Variants in SMG1 observed in about 807,000 individuals in gnomAD.
SMG1 encodes the protein serine/threonine-protein kinase SMG1.
A neutral mutation model predicts 419.9 loss-of-function variants in SMG1; 22 were observed. The observed-to-expected ratio is 0.05, with a 90% CI of 0.04 to 0.07. The LOEUF (loss-of-function observed/expected upper bound fraction) is 0.07, where lower values mean the gene tolerates loss of function less well. SMG1 is among the 10% of genes least tolerant of loss of function. SMG1 has a pLI of 1.00. For missense variants in SMG1, 3,185 were observed against 4,342.0 expected (o/e 0.73, Z 7.49); for synonymous variants, 1,538 against 1,553.5 (o/e 0.99, Z 0.23).
At chr16:18,853,905 A>C in intron 30 of SMG1, 38 bp from the exon 31 acceptor site, 1 of 1,550,260 alleles carries the variant, frequency 6.5e-7, no homozygotes. Context: ...AGAACCTTTA[A>C]AAGCAAATGA....
Position 18,892,302 on chromosome 16 carries a change from C to A in SMG1, c.465G>T (p.Arg155Ser), listed in dbSNP as rs2141820795. 2 of 1,550,240 alleles carry A rather than the reference C, an allele frequency of 1.3e-6. No homozygotes were observed. Among genetic ancestry groups the A allele is most frequent in the Non-Finnish European group, 1.7e-6 (2 of 1,146,736 alleles). ...GGTCTCTGTCGTCTTCCCGGGTGAT[C>A]CTCCGAAGAAGATTCGACAGTCGAG... is the stretch of plus-strand genomic sequence containing the variant. ...DESRLSNLLR[R>S]ITREDDRDRR... The change falls in exon 4 of 63, where the codon AGG becomes AGT. Residue 155 changes from arginine (R) to serine (S), a missense_variant. By Grantham distance (110) the Arg-to-Ser change is moderately radical. Coordinates refer to ENST00000446231, the MANE Select transcript of SMG1 (RefSeq NM_015092.5).
chr16:18,907,210 A>G (rs2141931579), intron 1 of SMG1, among the ~76,000 whole-genome samples: 1 of 151,910 alleles, frequency 6.6e-6, no homozygotes, highest in East Asian at 1.9e-4. Context: ...TGAACCCAGG[A>G]GGCGGAGGTT....
chr16:18,885,489 A>C, intron 7 of SMG1, 52 bp downstream of exon 7: 1 of 1,592,118 alleles, frequency 6.3e-7, no homozygotes, highest in Non-Finnish European at 8.5e-7. Flanking sequence ...ATCCTCACAC[A>C]CACAACCATC....
intron 62 of SMG1, 22 bp downstream of exon 62, chr16:18,811,739 C>G (rs763470611): frequency 8.7e-6 from 14 of 1,601,938 alleles, no homozygotes; most frequent in Non-Finnish European, 1.2e-5. Flanking sequence ...AAATGTGTAG[C>G]CCAAGTTTAA....
intron 1 of SMG1, among the ~76,000 whole-genome samples, chr16:18,904,586 C>T (rs1567449334): frequency 2.0e-5 from 3 of 151,346 alleles, no homozygotes; most frequent in Admixed American, 6.6e-5. Flanking sequence ...TGCAGTAAGC[C>T]GAGATCATGC....
chr16:18,875,547 C>T (rs1308106056), intron 13 of SMG1: 3 of 152,970 alleles, frequency 2.0e-5, no homozygotes, highest in East Asian at 3.8e-4. Context: ...GCCAAGATCG[C>T]GCCATGGCAC....
intron 24 of SMG1, 49 bp from the exon 25 acceptor site, chr16:18,863,900 A>G (rs1358481148): frequency 6.3e-7 from 1 of 1,592,198 alleles, no homozygotes; most frequent in East Asian, 2.2e-5. Context: ...ATCAGTTAGA[A>G]ATATTTCAAA....
At chr16:18,884,835 T>G (rs2036550583) in intron 8 of SMG1, 1 of 456,632 alleles carries the variant, frequency 2.2e-6, no homozygotes, top group South Asian at 3.2e-5. Flanking sequence ...CAATATATTC[T>G]TACCATACAC....
In SMG1 at chr16:18,926,401, C is replaced by G. The variant is rs1213754278; in HGVS notation, c.-360G>C. 1 of 217,048 alleles carries G rather than the reference C, an allele frequency of 4.6e-6. No homozygotes were observed. Among genetic ancestry groups the G allele is most frequent in the South Asian group, 1.1e-4 (1 of 8,736 alleles). 13.4% of individuals were successfully genotyped at this position (217,048 alleles called of 1,614,324 possible). A position where few individuals can be genotyped will look rare whatever the true frequency, so the allele number is the denominator to read the frequency against. Reference sequence around the variant, plus strand: ...GTGGCGGCAGCTCCTCACGCTCACACGGCCACTGCTTCCCCGCCTCCCGGC... The same window carrying G: ...GTGGCGGCAGCTCCTCACGCTCACAGGGCCACTGCTTCCCCGCCTCCCGGC... On this transcript the variant is annotated 5_prime_UTR_variant, in exon 1 of 63. Coordinates refer to ENST00000446231, the MANE Select transcript of SMG1 (RefSeq NM_015092.5).
At chr16:18,882,420 A>G in intron 9 of SMG1, 82 bp from the exon 10 acceptor site, 2 of 747,946 alleles carry the variant, frequency 2.7e-6, no homozygotes, top group Non-Finnish European at 3.9e-6. Flanking sequence ...TATTTCAATC[A>G]ATTCATTTTA....
intron 15 of SMG1, among the ~76,000 whole-genome samples, chr16:18,871,747 CCAA>C (rs1332799320): frequency 1.3e-5 from 2 of 151,806 alleles, no homozygotes; most frequent in Non-Finnish European, 2.9e-5. Flanking sequence ...ACCAGCCTGG[CCAA>C]CAACATGGTG....
intron 49 of SMG1, 70 bp from the exon 50 acceptor site, chr16:18,834,508 A>C: frequency 7.1e-7 from 1 of 1,403,252 alleles, no homozygotes; most frequent in Non-Finnish European, 9.7e-7. Flanking sequence ...GGCCGGGTCA[A>C]GGCCATGCCT....
rs1471070827 is a variant in SMG1, at chr16:18,806,941, A to G, written c.*2628T>C. 3 of 152,262 alleles carry G rather than the reference A, an allele frequency of 2.0e-5. No individual in the cohort carries two copies. The highest frequency in any genetic ancestry group is 2.9e-5 in the Non-Finnish European group (2 of 68,056). 9.4% of individuals were successfully genotyped at this position (152,262 alleles called of 1,614,324 possible). On this transcript the variant is annotated 3_prime_UTR_variant, in exon 63 of 63. Transcript: ENST00000446231. ...GACTTAACAGAGGAAGCCAAACTAT[A>G]CAGACCAGGGCCTTGTCCAGAGTGC...
intron 29 of SMG1, among the ~76,000 whole-genome samples, chr16:18,855,135 T>G (rs964785501): frequency 6.6e-6 from 1 of 152,184 alleles, no homozygotes; most frequent in African/African-American, 2.4e-5. Context: ...TTTCAAGAAA[T>G]TTCTTTTTAG....
At position 18,892,361 on chromosome 16, in the gene SMG1, A is replaced by C. The variant is rs2141821262; in HGVS notation, c.413-7T>G. 1.3e-6 allele frequency: 2 copies of C among 1,547,122 alleles called. No homozygotes were observed. The highest frequency in any genetic ancestry group is 2.3e-4 in the Middle Eastern group (1 of 4,346). On this transcript the variant is annotated splice_region_variant and splice_polypyrimidine_tract_variant and intron_variant, in intron 3 of 62. Transcript: ENST00000446231. ...GAATAAGACATCGATCTCTCTGTGA[A>C]TATATAAACATTTTGTTGTCCATTG...
intron 3 of SMG1, among the ~76,000 whole-genome samples, chr16:18,894,319 G>T (rs764670029): frequency 6.6e-6 from 1 of 151,898 alleles, no homozygotes; most frequent in African/African-American, 2.4e-5. Flanking sequence ...AGAAGAATAG[G>T]GTTTTTACAA....
At chr16:18,885,955 A>T (rs1410237327) in intron 6 of SMG1, among the ~76,000 whole-genome samples, 2 of 152,086 alleles carry the variant, frequency 1.3e-5, no homozygotes, top group African/African-American at 4.8e-5. Flanking sequence ...CAAAAAAAAT[A>T]ATAATTAATA....
At chr16:18,864,803 A>G (rs982609933) in intron 23 of SMG1, among the ~76,000 whole-genome samples, 2 of 152,118 alleles carry the variant, frequency 1.3e-5, no homozygotes, top group Non-Finnish European at 2.9e-5. Context: ...TTAAACACAC[A>G]TATCTCATTT....
chr16:18,870,978 C>A, intron 16 of SMG1, 90 bp from the exon 17 acceptor site: 3 of 721,948 alleles, frequency 4.2e-6, no homozygotes, highest in South Asian at 1.8e-5. Context: ...TTCATTCATT[C>A]AACAAAGAGT....
Sources: gnomAD v4.1 joint callset for allele counts (sites outside exome capture counted in the v4.1 genomes callset) on GRCh38, gnomAD v4.1.1 for gene constraint, MANE v1.5 for transcripts, NCBI Gene and HGNC (gene_info 2026-07-23, HGNC 2026-07-21) for gene names.